Variants in DTNB observed in about 807,000 individuals in gnomAD.
DTNB encodes DTN-B.
DTNB carries 63 observed loss-of-function variants against 90.7 expected under a neutral mutation model. The observed-to-expected ratio is 0.69, with a 90% CI of 0.57 to 0.86. The LOEUF (loss-of-function observed/expected upper bound fraction) is 0.86, where lower values mean the gene tolerates loss of function less well. Ranked by LOEUF, DTNB falls within the 40% of genes least tolerant of loss-of-function variation. The pLI is 0.00. For missense variants in DTNB, 744 were observed against 807.1 expected (o/e 0.92, Z 0.95); for synonymous variants, 277 against 286.7 (o/e 0.97, Z 0.34).
At chr2:25,482,471 C>CT in intron 10 of DTNB, among the ~76,000 whole-genome samples, 1 of 151,996 alleles carries the variant, frequency 6.6e-6, no homozygotes. Context: ...CTCACGACTA[C>CT]CAAAATATTG....
chr2:25,561,796 T>C (rs569440034), intron 8 of DTNB, among the ~76,000 whole-genome samples: 30 of 152,336 alleles, frequency 2.0e-4, no homozygotes, highest in African/African-American at 6.0e-4. Context: ...TGAGCAGACA[T>C]TGGTGCCATG....
chr2:25,388,179 T>A, intron 17 of DTNB, 23 bp downstream of exon 17: 1 of 1,552,698 alleles, frequency 6.4e-7, no homozygotes, highest in Non-Finnish European at 8.7e-7. Flanking sequence ...AGCTCCCCGC[T>A]GAACTCTGCT....
intron 13 of DTNB, among the ~76,000 whole-genome samples, chr2:25,433,607 G>T (rs766710114): frequency 5.3e-5 from 8 of 151,828 alleles, no homozygotes; most frequent in African/African-American, 9.7e-5. Context: ...GCAAAATGTT[G>T]CTGGGAAGCA....
At chr2:25,400,428 G>A (rs2043426093) in intron 16 of DTNB, among the ~76,000 whole-genome samples, 1 of 152,222 alleles carries the variant, frequency 6.6e-6, no homozygotes, top group African/African-American at 2.4e-5. Flanking sequence ...CGCTCAACGC[G>A]AACCAGTCTA....
At chr2:25,645,357 CAAA>C (rs70947900) in intron 2 of DTNB, among the ~76,000 whole-genome samples, 3 of 99,064 alleles carry the variant, frequency 3.0e-5, no homozygotes, top group Non-Finnish European at 3.9e-5. Flanking sequence ...GACTCCATCA[CAAA>C]AAAAAAAAAA....
chr2:25,449,956 G>T (rs1009366328), intron 12 of DTNB, among the ~76,000 whole-genome samples: 1 of 151,904 alleles, frequency 6.6e-6, no homozygotes, highest in Non-Finnish European at 1.5e-5. Context: ...TAGATATGGG[G>T]TTTCACCGTG....
At chr2:25,555,026 G>A (rs929824139) in intron 8 of DTNB, among the ~76,000 whole-genome samples, 1 of 152,108 alleles carries the variant, frequency 6.6e-6, no homozygotes, top group Non-Finnish European at 1.5e-5. Context: ...GCGAGGTACA[G>A]TGGCTCATGC....
At chr2:25,642,163 G>T (rs1453558719) in intron 2 of DTNB, among the ~76,000 whole-genome samples, 1 of 152,082 alleles carries the variant, frequency 6.6e-6, no homozygotes, top group African/African-American at 2.4e-5. Flanking sequence ...ATACAAGTGA[G>T]ATAAGTAACA....
intron 2 of DTNB, 39 bp from the exon 3 acceptor site, chr2:25,639,133 C>G (rs2077693900): frequency 6.6e-7 from 1 of 1,508,086 alleles, no homozygotes; most frequent in Non-Finnish European, 9.0e-7. Flanking sequence ...CTAGATTTAC[C>G]ATTTAGTTTC....
chr2:25,667,502 A>T (rs959066115), intron 1 of DTNB, among the ~76,000 whole-genome samples: 2 of 152,164 alleles, frequency 1.3e-5, no homozygotes, highest in African/African-American at 4.8e-5. Context: ...CTCAAAAAAA[A>T]AAGTCTGTAC....
At chr2:25,491,224 T>TA (rs1428557043) in intron 9 of DTNB, among the ~76,000 whole-genome samples, 5 of 151,708 alleles carry the variant, frequency 3.3e-5, no homozygotes, top group Non-Finnish European at 1.5e-5. Context: ...GAGGAGAAAC[T>TA]ATGGTGTAGA....
intron 9 of DTNB, among the ~76,000 whole-genome samples, chr2:25,518,779 C>G (rs1344219516): frequency 6.6e-6 from 1 of 152,188 alleles, no homozygotes; most frequent in Non-Finnish European, 1.5e-5. Flanking sequence ...GGACTTTCAG[C>G]CTGAAACGGA....
chr2:25,491,137 G>GCACACA (rs368677624), intron 9 of DTNB, among the ~76,000 whole-genome samples: 30 of 140,032 alleles, frequency 2.1e-4, no homozygotes, highest in African/African-American at 6.7e-4. Flanking sequence ...TGTTATATGA[G>GCACACA]CACACACACA....
chr2:25,595,655 G>A (rs1287039737), intron 6 of DTNB, among the ~76,000 whole-genome samples: 1 of 152,134 alleles, frequency 6.6e-6, no homozygotes, highest in African/African-American at 2.4e-5. Flanking sequence ...AAATGGTAGT[G>A]TACCCTTGAG....
At chr2:25,671,584 T>C (rs1007782103) in intron 1 of DTNB, among the ~76,000 whole-genome samples, 20 of 152,156 alleles carry the variant, frequency 1.3e-4, no homozygotes, top group Admixed American at 3.9e-4. Context: ...GAGAGTAACA[T>C]AAAGACATAA....
At chr2:25,492,205 T>C (rs1362407521) in intron 9 of DTNB, among the ~76,000 whole-genome samples, 2 of 152,212 alleles carry the variant, frequency 1.3e-5, no homozygotes. Context: ...CCCCATCATA[T>C]TATTAGAACT....
At chr2:25,494,612 G>A (rs1464290320) in intron 9 of DTNB, among the ~76,000 whole-genome samples, 3 of 152,146 alleles carry the variant, frequency 2.0e-5, no homozygotes, top group East Asian at 1.9e-4. Context: ...TCATTAGGAC[G>A]TTTACTGTTA....
At chr2:25,617,035 G>GT (rs2070924532) in intron 4 of DTNB, among the ~76,000 whole-genome samples, 1 of 150,398 alleles carries the variant, frequency 6.6e-6, no homozygotes. Flanking sequence ...GAGATCCACT[G>GT]TTTAACCATT....
At chr2:25,486,176 CT>C (rs1328418522) in intron 9 of DTNB, among the ~76,000 whole-genome samples, 1 of 151,782 alleles carries the variant, frequency 6.6e-6, no homozygotes, top group Non-Finnish European at 1.5e-5. Context: ...AAAGATTAGC[CT>C]GCTGGCTGGG....
Sources: gnomAD v4.1 joint callset for allele counts (sites outside exome capture counted in the v4.1 genomes callset) on GRCh38, gnomAD v4.1.1 for gene constraint, MANE v1.5 for transcripts, NCBI Gene and HGNC (gene_info 2026-07-23, HGNC 2026-07-21) for gene names.